Variants in CHN2 observed in about 807,000 individuals in gnomAD.
CHN2 encodes beta-chimaerin.
Under a neutral mutation model 56.3 loss-of-function variants are expected in CHN2, and 35 were observed. The observed-to-expected ratio is 0.62, with a 90% confidence interval of 0.47 to 0.82. The LOEUF is 0.82. Among genes scored for constraint, CHN2 ranks in the 40% least tolerant of loss-of-function variants. CHN2 has a pLI of 0.00. For missense variants in CHN2, 491 were observed against 580.5 expected (o/e 0.85, Z 1.58); for synonymous variants, 210 against 212.8 (o/e 0.99, Z 0.12).
chr7:29,149,847 T>C (rs1793347209), intron 2 of CHN2, among the ~76,000 whole-genome samples: 1 of 152,218 alleles, frequency 6.6e-6, no homozygotes. Context: ...TGTCTGTCTC[T>C]GTGTCCCAAT....
chr7:29,250,711 C>CTTTTTTTTT lies in CHN2; in HGVS notation c.49+55730_49+55738dup, dbSNP rs529820110. On this transcript the variant is annotated intron_variant, in intron 1 of 12. Transcript: ENST00000222792. ...TTCCCTTTTTTTACCTGAACTTCTT[C>CTTTTTTTTT]TTTTTTTTTTTTTTTTTGAGGCAGA... Among the ~76,000 whole-genome samples, 3 of 110,224 alleles carry CTTTTTTTTT rather than the reference C, an allele frequency of 2.7e-5. No homozygotes were observed. The East Asian group carries it at 6.4e-4, about 24-fold the overall frequency. The allele number at this position is 110,224 out of a possible 152,430, so 72.3% of individuals were successfully genotyped here.
At chr7:29,367,430 C>T (rs909954255) in intron 2 of CHN2, among the ~76,000 whole-genome samples, 2 of 152,116 alleles carry the variant, frequency 1.3e-5, no homozygotes, top group Admixed American at 6.5e-5. Context: ...AGAGAAATGG[C>T]TTGGTGTTTC....
At chr7:29,472,143 T>A (rs1786110719) in intron 6 of CHN2, among the ~76,000 whole-genome samples, 1 of 152,072 alleles carries the variant, frequency 6.6e-6, no homozygotes, top group African/African-American at 2.4e-5. Flanking sequence ...CATTTCTAGT[T>A]TTTTCTCTTC....
At chr7:29,229,274 G>A (rs1562848634) in intron 1 of CHN2, among the ~76,000 whole-genome samples, 1 of 152,190 alleles carries the variant, frequency 6.6e-6, no homozygotes, top group Non-Finnish European at 1.5e-5. Flanking sequence ...CCCATTGGCA[G>A]GCAGGATGAA....
At position 29,498,868 on chromosome 7, in the gene CHN2, T is replaced by C. The variant is rs539869662; in HGVS notation, c.740-999T>C. Reference sequence around the variant, plus strand: ...CCTCTGCCTCCTGGGTTCAAGTGATTCTCCTGCCTCAGCCTCCTGAGTAGC... The same window carrying C: ...CCTCTGCCTCCTGGGTTCAAGTGATCCTCCTGCCTCAGCCTCCTGAGTAGC... On this transcript the variant is annotated intron_variant, in intron 8 of 12. Transcript: ENST00000222792. 2.0e-3 allele frequency among the ~76,000 whole-genome samples: 294 copies of C among 148,952 alleles called. 1 individual carries two copies. The highest frequency in any genetic ancestry group is 7.2e-3 in the African/African-American group (288 of 39,752).
At chr7:29,466,204 AAG>A (rs1785539892) in intron 6 of CHN2, among the ~76,000 whole-genome samples, 1 of 146,014 alleles carries the variant, frequency 6.8e-6, no homozygotes, top group African/African-American at 2.5e-5. Flanking sequence ...TGTCAAAATA[AAG>A]AGAGAAAGAG....
chr7:29,206,668 T>A (rs1049927464), intron 1 of CHN2, among the ~76,000 whole-genome samples: 5 of 152,166 alleles, frequency 3.3e-5, no homozygotes, highest in African/African-American at 1.2e-4. Context: ...CAGGACTTTT[T>A]ACCTTGATTT....
chr7:29,302,579 G>A (rs537023995), intron 1 of CHN2, among the ~76,000 whole-genome samples: 14 of 145,298 alleles, frequency 9.6e-5, no homozygotes, highest in Middle Eastern at 3.5e-3. Flanking sequence ...GGGCTCAAGC[G>A]ATCCTCTGAA....
chr7:29,400,505 T>G (rs779444840), intron 5 of CHN2, 38 bp from the exon 6 acceptor site: 6 of 1,600,394 alleles, frequency 3.7e-6, no homozygotes, highest in Non-Finnish European at 5.1e-6. Flanking sequence ...TGTGCTTATT[T>G]CTAACGTGGT....
At chr7:29,342,977 C>G (rs534788638) in intron 1 of CHN2, among the ~76,000 whole-genome samples, 1 of 152,250 alleles carries the variant, frequency 6.6e-6, no homozygotes, top group East Asian at 1.9e-4. Flanking sequence ...TATTTTGTGC[C>G]AGTTAGGGCG....
rs144205997 is a variant in CHN2, at chr7:29,342,998, G to A, written c.50-11627G>A. Among the ~76,000 whole-genome samples the A allele has an allele frequency of 5.3e-5, 8 of 152,334 alleles. No individual in the cohort carries two copies. In the Middle Eastern group the frequency reaches 0.01, roughly 194 times the overall value. On this transcript the variant is annotated intron_variant, in intron 1 of 12. Coordinates refer to ENST00000222792, the MANE Select transcript of CHN2 (RefSeq NM_004067.4). ...GTGCCAGTTAGGGCGTAAGCTCTGG[G>A]TAAATATTTGTTGGATGAATAAATG...
At chr7:29,439,600 G>C (rs1585397730) in intron 6 of CHN2, among the ~76,000 whole-genome samples, 1 of 152,244 alleles carries the variant, frequency 6.6e-6, no homozygotes, top group Non-Finnish European at 1.5e-5. Context: ...ACCCTCTGCT[G>C]TCTGACATCA....
intron 6 of CHN2, among the ~76,000 whole-genome samples, chr7:29,471,359 AG>A (rs1786015130): frequency 6.6e-6 from 1 of 152,248 alleles, no homozygotes; most frequent in African/African-American, 2.4e-5. Flanking sequence ...ATATCTAAAA[AG>A]TCTGTGAGAA....
chr7:29,187,482 G>A (rs968617350), intron 2 of CHN2, among the ~76,000 whole-genome samples: 3 of 152,150 alleles, frequency 2.0e-5, no homozygotes, highest in South Asian at 2.1e-4. Context: ...CCAGCACTTT[G>A]GGAGGCCGAG....
intron 1 of CHN2, among the ~76,000 whole-genome samples, chr7:29,239,166 A>C (rs918521900): frequency 6.6e-6 from 1 of 152,198 alleles, no homozygotes; most frequent in Non-Finnish European, 1.5e-5. Flanking sequence ...ATGATTGCTC[A>C]GGCCAGAGTG....
intron 1 of CHN2, among the ~76,000 whole-genome samples, chr7:29,314,345 A>C (rs1193082945): frequency 2.0e-5 from 3 of 152,186 alleles, no homozygotes; most frequent in Non-Finnish European, 4.4e-5. Context: ...AAATTCACAA[A>C]TAGAGGAAGT....
At chr7:29,210,910 T>C (rs777867090) in intron 1 of CHN2, among the ~76,000 whole-genome samples, 160 of 151,148 alleles carry the variant, frequency 1.1e-3, no homozygotes, top group Non-Finnish European at 3.1e-4. Context: ...GCCAGTAGAG[T>C]GAGAAAGGGG....
chr7:29,447,979 G>A (rs963100008), intron 6 of CHN2, among the ~76,000 whole-genome samples: 1 of 152,154 alleles, frequency 6.6e-6, no homozygotes, highest in Non-Finnish European at 1.5e-5. Context: ...CCAAGCATCC[G>A]TATTTTTAAG....
At chr7:29,229,517 C>T (rs549127019) in intron 1 of CHN2, among the ~76,000 whole-genome samples, 10 of 152,272 alleles carry the variant, frequency 6.6e-5, no homozygotes, top group Non-Finnish European at 1.2e-4. Context: ...AGTGACATAC[C>T]GTTCAGATTC....
Sources: allele counts gnomAD v4.1 joint callset (sites outside exome capture counted in the v4.1 genomes callset), GRCh38; gene constraint gnomAD v4.1.1; transcripts MANE v1.5; gene names NCBI Gene and HGNC (gene_info 2026-07-23, HGNC 2026-07-21).